The following PLCL1 variants were observed in gnomAD, a reference collection of about 807,000 sequenced individuals.
The protein encoded by PLCL1 is inactive phospholipase C-like protein 1.
Under a neutral mutation model 84.4 loss-of-function variants are expected in PLCL1, and 41 were observed. The ratio of observed to expected loss-of-function variants is 0.49; its 90% confidence interval spans 0.38 to 0.63. The LOEUF (loss-of-function observed/expected upper bound fraction) is 0.63, where lower values mean the gene tolerates loss of function less well. PLCL1 is among the 30% of genes least tolerant of loss of function. The pLI, the probability that PLCL1 is intolerant of heterozygous loss-of-function variation, is 0.00. For missense variants in PLCL1, 1,206 were observed against 1,367.8 expected (o/e 0.88, Z 1.87); for synonymous variants, 490 against 488.3 (o/e 1.00, Z -0.05).
chr2:197,887,175 A>G (rs1687938084), intron 1 of PLCL1, among the ~76,000 whole-genome samples: 2 of 152,230 alleles, frequency 1.3e-5, no homozygotes, highest in South Asian at 2.1e-4. Context: ...TGTGATCTCC[A>G]TGTATATTTT....
At chr2:197,885,769 C>T (rs1478249198) in intron 1 of PLCL1, among the ~76,000 whole-genome samples, 1 of 152,204 alleles carries the variant, frequency 6.6e-6, no homozygotes, top group Non-Finnish European at 1.5e-5. Context: ...TTGACATGTG[C>T]TTCCACCCTG....
In PLCL1 at chr2:198,147,494, T is replaced by C. The variant is rs192594987; in HGVS notation, c.*532T>C. 2 of 152,366 alleles carry C rather than the reference T, an allele frequency of 1.3e-5. No individual in the cohort carries two copies. The highest frequency in any genetic ancestry group is 2.4e-5 in the African/African-American group (1 of 41,570). 9.4% of individuals were successfully genotyped at this position (152,366 alleles called of 1,614,324 possible). Reference sequence around the variant, plus strand: ...CATAGATGTTTTGGTAGATTAAATATAGATTAGAAAAATTCCTAAGAATCA... The same window carrying C: ...CATAGATGTTTTGGTAGATTAAATACAGATTAGAAAAATTCCTAAGAATCA... On this transcript the variant is annotated 3_prime_UTR_variant, in exon 6 of 6. Transcript: ENST00000428675.
intron 1 of PLCL1, among the ~76,000 whole-genome samples, chr2:197,836,406 CA>C (rs2105662840): frequency 7.9e-6 from 1 of 126,304 alleles, no homozygotes; most frequent in South Asian, 2.5e-4. Context: ...GAGATCCCGC[CA>C]CTGCACTCCA....
chr2:198,136,615 T>A (rs1694261784), intron 5 of PLCL1, among the ~76,000 whole-genome samples: 1 of 152,152 alleles, frequency 6.6e-6, no homozygotes, highest in South Asian at 2.1e-4. Context: ...TTCTGCCATC[T>A]TGGGCAGCCA....
At chr2:198,072,291 G>T (rs1421181732) in intron 1 of PLCL1, among the ~76,000 whole-genome samples, 1 of 151,536 alleles carries the variant, frequency 6.6e-6, no homozygotes. Flanking sequence ...AAACAGGTTG[G>T]CATATAAGGC....
chr2:197,983,200 C>CTTTTTTTCTTTTTTTTTT (rs1690150482), intron 1 of PLCL1, among the ~76,000 whole-genome samples: 2 of 60,256 alleles, frequency 3.3e-5, no homozygotes, highest in African/African-American at 1.3e-4. Flanking sequence ...CTTTTCTTTT[C>CTTTTTTTCTTTTTTTTTT]TTTTTTTTTT....
At chr2:198,060,516 C>T (rs551865018) in intron 1 of PLCL1, among the ~76,000 whole-genome samples, 59 of 152,214 alleles carry the variant, frequency 3.9e-4, no homozygotes, top group Non-Finnish European at 5.0e-4. Context: ...TACCTCTGGC[C>T]GAGTTGGAAC....
intron 1 of PLCL1, among the ~76,000 whole-genome samples, chr2:197,877,816 G>T (rs1159981429): frequency 6.6e-6 from 1 of 152,156 alleles, no homozygotes; most frequent in Non-Finnish European, 1.5e-5. Flanking sequence ...TTTTGTAACA[G>T]AGTTCTCAAA....
intron 1 of PLCL1, among the ~76,000 whole-genome samples, chr2:197,830,054 C>G (rs910618760): frequency 6.6e-6 from 1 of 152,054 alleles, no homozygotes; most frequent in Non-Finnish European, 1.5e-5. Flanking sequence ...TAAAAATATG[C>G]TTTTGAGAAT....
intron 1 of PLCL1, among the ~76,000 whole-genome samples, chr2:197,922,820 A>T (rs1353989271): frequency 1.9e-4 from 21 of 109,514 alleles, no homozygotes; most frequent in South Asian, 3.4e-4. Context: ...CTGGCCGGGC[A>T]GAGGGGCTCC....
chr2:197,989,869 C>T (rs1359626200), intron 1 of PLCL1, among the ~76,000 whole-genome samples: 1 of 152,140 alleles, frequency 6.6e-6, no homozygotes, highest in Non-Finnish European at 1.5e-5. Context: ...CAGACTTGCA[C>T]CTGGAGTCCA....
chr2:198,027,219 C>T lies in PLCL1; in HGVS notation c.241-56539C>T, dbSNP rs994543466. Among the ~76,000 whole-genome samples, 126 of 151,994 alleles carry T rather than the reference C, an allele frequency of 8.3e-4. 1 individual carries two copies. The highest frequency in any genetic ancestry group is 1.6e-3 in the Admixed American group (24 of 15,244). On this transcript the variant is annotated intron_variant, in intron 1 of 5. Coordinates refer to ENST00000428675, the MANE Select transcript of PLCL1 (RefSeq NM_006226.4). ...TGTCATTTGCAACGACATGGATGAA[C>T]CTGGAGGCAATTATGCTTAGTGAGA...
chr2:198,071,390 A>T (rs971997354), intron 1 of PLCL1, among the ~76,000 whole-genome samples: 4 of 151,924 alleles, frequency 2.6e-5, no homozygotes, highest in Admixed American at 2.6e-4. Flanking sequence ...ATCAAAGTAG[A>T]TGCATCTTTA....
chr2:198,029,393 C>G (rs143205666), intron 1 of PLCL1, among the ~76,000 whole-genome samples: 168 of 152,268 alleles, frequency 1.1e-3, no homozygotes, highest in African/African-American at 3.8e-3. Context: ...ATTCTTAAAG[C>G]TCACTTGTGA....
At chr2:198,106,750 A>G (rs1693483175) in intron 5 of PLCL1, among the ~76,000 whole-genome samples, 1 of 151,872 alleles carries the variant, frequency 6.6e-6, no homozygotes, top group South Asian at 2.1e-4. Context: ...TAGGTACTTT[A>G]TGTACATTTC....
chr2:198,122,353 T>G (rs1032289915), intron 5 of PLCL1, among the ~76,000 whole-genome samples: 6 of 152,128 alleles, frequency 3.9e-5, no homozygotes, highest in African/African-American at 9.7e-5. Context: ...TTTAGATTTT[T>G]TATATGATCT....
intron 1 of PLCL1, among the ~76,000 whole-genome samples, chr2:197,839,540 G>A (rs1443032054): frequency 6.6e-6 from 1 of 152,210 alleles, no homozygotes; most frequent in African/African-American, 2.4e-5. Context: ...TTAATGCTCA[G>A]TTGCTCACCT....
intron 1 of PLCL1, among the ~76,000 whole-genome samples, chr2:197,892,135 A>T (rs1463427583): frequency 6.6e-6 from 1 of 152,202 alleles, no homozygotes; most frequent in Non-Finnish European, 1.5e-5. Flanking sequence ...TGAAAGCTTC[A>T]ATGCAGAGCC....
rs543844222 is a variant in PLCL1 at position 198,083,279 on chromosome 2, T to TA, written c.241-477dup. On this transcript the variant is annotated intron_variant, in intron 1 of 5. Transcript: ENST00000428675. Reference sequence around the variant, plus strand: ...TCAGGAAAAAAACGTGATTTCTAGTTAAGCTGTTCAGTTAAGCACTTTGTG... The same window carrying TA: ...TCAGGAAAAAAACGTGATTTCTAGTTAAAGCTGTTCAGTTAAGCACTTTGTG... 3.3e-5 allele frequency among the ~76,000 whole-genome samples: 5 copies of TA among 152,356 alleles called. No individual in the cohort carries two copies. The South Asian group carries it at 1.0e-3, about 32-fold the overall frequency.
Sources: gnomAD v4.1 joint callset for allele counts (sites outside exome capture counted in the v4.1 genomes callset) on GRCh38, gnomAD v4.1.1 for gene constraint, MANE v1.5 for transcripts, NCBI Gene and HGNC (gene_info 2026-07-23, HGNC 2026-07-21) for gene names.